STK32B: variants seen among roughly 807,000 people sequenced by gnomAD.
STK32B encodes serine/threonine kinase 32B, also known as serine/threonine-protein kinase 32B.
Under a neutral mutation model 52.6 loss-of-function variants are expected in STK32B, and 43 were observed. That is an observed-to-expected ratio of 0.82 (90% CI 0.64 to 1.05). The LOEUF (loss-of-function observed/expected upper bound fraction) is 1.05. STK32B is among the 50% of genes least tolerant of loss of function. The pLI, the probability that STK32B is intolerant of heterozygous loss-of-function variation, is 0.00. For synonymous variants in STK32B, 238 were observed against 204.3 expected, an observed-to-expected ratio of 1.17 and a Z score of -1.41; for missense variants, 621 against 534.6, an observed-to-expected ratio of 1.16 and a Z score of -1.59.
intron 3 of STK32B, among the ~76,000 whole-genome samples, chr4:5,239,955 A>G (rs563644276): frequency 2.6e-4 from 39 of 151,766 alleles, no homozygotes; most frequent in Admixed American, 2.2e-3. Context: ...AGGTTAACTC[A>G]CCTGGCCAAT....
At chr4:5,135,975 C>T (rs1314814619) in intron 1 of STK32B, among the ~76,000 whole-genome samples, 2 of 152,148 alleles carry the variant, frequency 1.3e-5, no homozygotes, top group East Asian at 3.8e-4. Flanking sequence ...CCATCAGCAC[C>T]ACCTAGAAAC....
intron 8 of STK32B, among the ~76,000 whole-genome samples, chr4:5,457,524 G>GT (rs1716657788): frequency 6.6e-6 from 1 of 151,126 alleles, no homozygotes; most frequent in Non-Finnish European, 1.5e-5. Flanking sequence ...CTGCATGTGG[G>GT]TTTTTTAAAT....
chr4:5,457,212 C>CTTTTT (rs1230307057), intron 8 of STK32B, among the ~76,000 whole-genome samples: 1 of 114,932 alleles, frequency 8.7e-6, no homozygotes, highest in Non-Finnish European at 1.8e-5. Context: ...TTTTTTTTTT[C>CTTTTT]TTTTTTTTTT....
intron 4 of STK32B, among the ~76,000 whole-genome samples, chr4:5,387,213 G>A (rs1736315224): frequency 2.0e-5 from 3 of 152,226 alleles, no homozygotes; most frequent in Admixed American, 2.0e-4. Context: ...GCCTTGTACG[G>A]AAGCCTGGGC....
At chr4:5,359,906 G>T (rs1734435764) in intron 4 of STK32B, among the ~76,000 whole-genome samples, 1 of 152,202 alleles carries the variant, frequency 6.6e-6, no homozygotes. Context: ...TACTCTGAGA[G>T]AGTGGAAAGC....
intron 1 of STK32B, among the ~76,000 whole-genome samples, chr4:5,074,069 C>T (rs1468198917): frequency 6.6e-6 from 1 of 152,016 alleles, no homozygotes; most frequent in Non-Finnish European, 1.5e-5. Context: ...TCCTCCCACA[C>T]ATCCCTCCCC....
At chr4:5,330,139 T>C (rs1316005462) in intron 3 of STK32B, among the ~76,000 whole-genome samples, 1 of 152,166 alleles carries the variant, frequency 6.6e-6, no homozygotes, top group East Asian at 1.9e-4. Flanking sequence ...TGGGCCTCAG[T>C]TTCCTGTTCT....
At chr4:5,075,545 C>T (rs935191644) in intron 1 of STK32B, among the ~76,000 whole-genome samples, 10 of 151,972 alleles carry the variant, frequency 6.6e-5, no homozygotes, top group Admixed American at 2.6e-4. Context: ...TCCTTGTGCC[C>T]AATTTTATTT....
chr4:5,439,442 A>G (rs1714482207), intron 6 of STK32B, among the ~76,000 whole-genome samples: 1 of 151,344 alleles, frequency 6.6e-6, no homozygotes, highest in South Asian at 2.1e-4. Context: ...CCACTTTTTG[A>G]TGGGGTTGTT....
chr4:5,204,909 A>G (rs887142930), intron 3 of STK32B, among the ~76,000 whole-genome samples: 1 of 152,166 alleles, frequency 6.6e-6, no homozygotes, highest in African/African-American at 2.4e-5. Context: ...ACTGGTCTAC[A>G]GATTGCTGCA....
At chr4:5,201,372 G>A (rs1022557215) in intron 3 of STK32B, among the ~76,000 whole-genome samples, 5 of 152,126 alleles carry the variant, frequency 3.3e-5, no homozygotes, top group African/African-American at 1.2e-4. Context: ...GGACAGGTTC[G>A]CGCAGGACTG....
intron 6 of STK32B, among the ~76,000 whole-genome samples, 169 bp from the exon 7 acceptor site, chr4:5,446,504 C>T (rs1439659681): frequency 6.6e-6 from 1 of 151,586 alleles, no homozygotes; most frequent in Non-Finnish European, 1.5e-5. Flanking sequence ...CACAGAGGAG[C>T]CGACATTGCG....
intron 6 of STK32B, chr4:5,436,760 T>C (rs1714117950): frequency 1.2e-6 from 1 of 824,924 alleles, no homozygotes; most frequent in Non-Finnish European, 1.5e-6. Context: ...GGACCAAGAA[T>C]TCTAGACTTG....
Position 5,399,771 on chromosome 4 carries a change from T to C in STK32B, c.472+1527T>C, listed in dbSNP as rs1204523786. On this transcript the variant is annotated intron_variant, in intron 5 of 11. Transcript: ENST00000282908. The surrounding 1 kb of genome is among the most constrained non-coding windows in gnomAD (Gnocchi z 5.4). Reference sequence around the variant, plus strand: ...ACCTTGCAGGGTGGTGAATGTCTCATCTCGGGTGAGACTCGAAGGTCAGCC... The same window carrying C: ...ACCTTGCAGGGTGGTGAATGTCTCACCTCGGGTGAGACTCGAAGGTCAGCC... Among the ~76,000 whole-genome samples, 1 of 152,058 alleles carries C rather than the reference T, an allele frequency of 6.6e-6. No individual in the cohort carries two copies. The highest frequency in any genetic ancestry group is 1.5e-5 in the Non-Finnish European group (1 of 67,994).
chr4:5,459,706 T>C (rs1716880044), intron 8 of STK32B, among the ~76,000 whole-genome samples: 2 of 152,216 alleles, frequency 1.3e-5, no homozygotes, highest in Non-Finnish European at 2.9e-5. Flanking sequence ...ATAAATTTTA[T>C]TACAATTTGG....
intron 4 of STK32B, among the ~76,000 whole-genome samples, chr4:5,344,809 G>A (rs529336803): frequency 2.0e-5 from 3 of 151,686 alleles, no homozygotes; most frequent in South Asian, 2.1e-4. Flanking sequence ...AAGACACTTC[G>A]CATTTCTCAA....
intron 4 of STK32B, among the ~76,000 whole-genome samples, chr4:5,377,212 G>A (rs1332582918): frequency 2.6e-5 from 4 of 152,102 alleles, no homozygotes; most frequent in Non-Finnish European, 4.4e-5. Context: ...CAACCCCAAC[G>A]CTAACATTTC....
intron 5 of STK32B, among the ~76,000 whole-genome samples, chr4:5,412,994 G>A (rs1711831367): frequency 6.6e-6 from 1 of 151,710 alleles, no homozygotes; most frequent in African/African-American, 2.4e-5. Flanking sequence ...TTTCTCCCTG[G>A]CATCTTTGCT....
intron 4 of STK32B, among the ~76,000 whole-genome samples, chr4:5,336,937 G>A (rs1422424997): frequency 6.6e-6 from 1 of 152,168 alleles, no homozygotes; most frequent in African/African-American, 2.4e-5. Flanking sequence ...ACAGGTCATA[G>A]AGGCTGAAGA....
Sources: allele counts gnomAD v4.1 joint callset (sites outside exome capture counted in the v4.1 genomes callset), GRCh38; gene constraint gnomAD v4.1.1; non-coding constraint Gnocchi (gnomAD v3.1); transcripts MANE v1.5; gene names NCBI Gene and HGNC (gene_info 2026-07-23, HGNC 2026-07-21).